DMP1: variants seen among roughly 807,000 people sequenced by gnomAD.
The protein encoded by DMP1 is dentin matrix protein 1.
Under a neutral mutation model 14.6 loss-of-function variants are expected in DMP1, and 20 were observed. The ratio of observed to expected loss-of-function variants is 1.37; its 90% CI spans 0.96 to 1.99. DMP1 has a LOEUF of 1.99. Ranked by LOEUF, DMP1 falls within the 30% of genes most tolerant of loss-of-function variation. The pLI is 0.00. For synonymous variants in DMP1, 197 were observed against 215.3 expected, an observed-to-expected ratio of 0.91 and a Z score of 0.75; for missense variants, 567 against 620.5, an observed-to-expected ratio of 0.91 and a Z score of 0.92.
chr4:87,661,043 GTGTT>G (rs142178567), intron 5 of DMP1, among the ~76,000 whole-genome samples: 26,352 of 151,706 alleles, frequency 0.17, 2,660 homozygotes, highest in Middle Eastern at 0.29. Context: ...TTTTGTGTGT[GTGTT>G]TGTTTGTTTG....
Position 87,659,467 on chromosome 4 carries a change from T to C in DMP1, c.172T>C (p.Ser58Pro). 1 of 1,614,014 alleles carries C rather than the reference T, an allele frequency of 6.2e-7. No homozygotes were observed. Among genetic ancestry groups the C allele is most frequent in the East Asian group, 2.2e-5 (1 of 44,864 alleles). The change falls in exon 5 of 6, where the codon TCA (serine) becomes CCA (proline). Residue 58 changes from serine to proline, a missense_variant. By Grantham distance (74) the Ser-to-Pro change is moderately conservative. Coordinates refer to ENST00000339673, the MANE Select transcript of DMP1 (RefSeq NM_004407.4). Reference protein sequence around the residue: ...SESSEGSKVSSEEQANEDPSD... With the variant: ...SESSEGSKVSPEEQANEDPSD... ...GTCATCAGAAGGCAGTAAAGTTAGCTCAGAGGAACAGGTAATTAAACAGAC... is the reference window on the plus strand; with the variant it reads ...GTCATCAGAAGGCAGTAAAGTTAGCCCAGAGGAACAGGTAATTAAACAGAC...
Position 87,663,276 on chromosome 4 carries a change from C to A in DMP1, c.1498C>A (p.Pro500Thr). 2 of 1,614,178 alleles carry A rather than the reference C, an allele frequency of 1.2e-6. No individual in the cohort carries two copies. Among genetic ancestry groups the A allele is most frequent in the Non-Finnish European group, 8.5e-7 (1 of 1,180,032 alleles). ...KLTVDAYHNKPIGDQDDNDCQ... is the reference protein window; with the variant it reads ...KLTVDAYHNKTIGDQDDNDCQ... ...AACAGTTGATGCCTATCACAACAAA[C>A]CCATTGGGGACCAAGATGACAATGA... Residue 500 changes from proline to threonine, a missense_variant, in exon 6 of 6, where the codon CCC (proline) becomes ACC (threonine). Pro to Thr is a conservative substitution (Grantham distance 38). Transcript: ENST00000339673.
At chr4:87,659,359 T>C (rs758080344) in intron 4 of DMP1, 72 bp from the exon 5 acceptor site, 29 of 1,595,894 alleles carry the variant, frequency 1.8e-5, no homozygotes, top group Non-Finnish European at 2.4e-5. Flanking sequence ...CTGGAAGCAA[T>C]TGATGTGTAT....
In DMP1 at chr4:87,662,417, G is replaced by A. The variant is rs116732769; in HGVS notation, c.639G>A (p.Glu213=). Residue 213 remains glutamate, a synonymous_variant, in exon 6 of 6, where the codon GAG becomes GAA. Coordinates refer to ENST00000339673, the MANE Select transcript of DMP1 (RefSeq NM_004407.4). ...GAGACGGCTCCGAGTTGGACGATGA[G>A]GGAATGCAGAGTGATGACCCAGAGA... ...SHGDGSELDD[E]GMQSDDPESI... is the part of the protein sequence containing the mutation. 3.5e-4 allele frequency: 564 copies of A among 1,614,172 alleles called. 2 individuals carry two copies. The African/African-American group carries it at 6.4e-3, about 18-fold the overall frequency.
intron 1 of DMP1, 66 bp from the exon 2 acceptor site, chr4:87,656,406 T>C: frequency 1.1e-6 from 1 of 899,550 alleles, no homozygotes; most frequent in South Asian, 1.3e-5. Context: ...AGGAAGAAAC[T>C]GTTAAAAAGT....
chr4:87,655,669 T>C (rs1056901637), intron 1 of DMP1, among the ~76,000 whole-genome samples: 8 of 142,114 alleles, frequency 5.6e-5, no homozygotes, highest in Admixed American at 3.4e-4. Flanking sequence ...TAGAAGCCAT[T>C]GTGTGTGTGT....
At chr4:87,661,444 G>C (rs892977939) in intron 5 of DMP1, among the ~76,000 whole-genome samples, 1 of 151,534 alleles carries the variant, frequency 6.6e-6, no homozygotes, top group Non-Finnish European at 1.5e-5. Context: ...GGATGGTCTC[G>C]ATCTCCTGAC....
In DMP1 at chr4:87,650,313, T is replaced by C. The variant is rs1305632262; in HGVS notation, c.-93T>C. 6.6e-6 allele frequency: 1 copy of C among 152,220 alleles called. No homozygotes were observed. The highest frequency in any genetic ancestry group is 1.5e-5 in the Non-Finnish European group (1 of 68,036). 9.4% of individuals were successfully genotyped at this position (152,220 alleles called of 1,614,324 possible). A position where few individuals can be genotyped will look rare whatever the true frequency, so the allele number is the denominator to read the frequency against. The stretch of plus-strand genomic sequence containing the variant: ...AACACAAGAGTGGCTTCATTGGGCA[T>C]AGATTTCCTCTTTGAGAACATCAAC... On this transcript the variant is annotated 5_prime_UTR_variant, in exon 1 of 6. Transcript: ENST00000339673.
At position 87,659,471 on chromosome 4, in the gene DMP1, A is replaced by G; in HGVS notation, c.176A>G (p.Glu59Gly). ...ESSEGSKVSS[E>G]EQANEDPSDS... ...TCAGAAGGCAGTAAAGTTAGCTCAG[A>G]GGAACAGGTAATTAAACAGACCTTT... The change falls in exon 5 of 6, where the codon GAG becomes GGG. Residue 59 changes from glutamate to glycine, a missense_variant. Physicochemically the swap from Glu to Gly is moderately conservative, Grantham distance 98 (BLOSUM62 -2). Transcript: ENST00000339673. The G allele has an allele frequency of 6.2e-7, 1 of 1,614,010 alleles. No homozygotes were observed. The highest frequency in any genetic ancestry group is 8.5e-7 in the Non-Finnish European group (1 of 1,179,884).
At chr4:87,654,871 C>T (rs538033640) in intron 1 of DMP1, among the ~76,000 whole-genome samples, 1 of 152,252 alleles carries the variant, frequency 6.6e-6, no homozygotes, top group South Asian at 2.1e-4. Flanking sequence ...TGTCCTTTGT[C>T]CTGAACTTAT....
rs574215585 is a variant in DMP1, at chr4:87,663,226, A to C, written c.1448A>C (p.Asn483Thr). 6.1e-4 allele frequency: 991 copies of C among 1,614,212 alleles called. 7 individuals are homozygous for C. The South Asian group carries it at 0.01, about 16-fold the overall frequency. Residue 483 changes from asparagine (N) to threonine (T), a missense_variant, in exon 6 of 6, where the codon AAC becomes ACC. Coordinates refer to ENST00000339673, the MANE Select transcript of DMP1 (RefSeq NM_004407.4). ...SSSEEDGQLK[N>T]IEIESRKLTV... ...AGTGAGGAAGATGGCCAGTTGAAAA[A>C]CATTGAGATAGAGAGCCGGAAATTA...
rs765884882 is a variant in DMP1, at chr4:87,662,886, C to T, written c.1108C>T (p.Pro370Ser). ...VSESRGDNPD[P>S]TTSYVEDQED... ...TGAGTCCAGGGGAGATAACCCCGAC[C>T]CCACAACTAGTTATGTAGAAGACCA... Residue 370 changes from proline to serine, a missense_variant, in exon 6 of 6, where the codon CCC becomes TCC. Transcript: ENST00000339673. The T allele has an allele frequency of 1.2e-6, 2 of 1,614,146 alleles. No individual in the cohort carries two copies. The highest frequency in any genetic ancestry group is 1.7e-6 in the Non-Finnish European group (2 of 1,180,030).
rs1471730834 is a variant in DMP1, at chr4:87,662,628, GACA to G, written c.857_859del (p.Asn286del). On this transcript the variant is annotated inframe_deletion, in exon 6 of 6. Transcript: ENST00000339673. Reference sequence around the variant, plus strand: ...GGAAGATGACAGAAGCGAGCTTGATGACAACAACACAATGGAAGAAGTCAAGAG... The same window carrying G: ...GGAAGATGACAGAAGCGAGCTTGATGACAACACAATGGAAGAAGTCAAGAG... 3 of 1,614,130 alleles carry G rather than the reference GACA, an allele frequency of 1.9e-6. No homozygotes were observed. The highest frequency in any genetic ancestry group is 1.7e-5 in the Admixed American group (1 of 60,014).
chr4:87,654,225 T>C (rs567847955), intron 1 of DMP1, among the ~76,000 whole-genome samples: 1 of 152,178 alleles, frequency 6.6e-6, no homozygotes, highest in Non-Finnish European at 1.5e-5. Context: ...CTTAGGGTAA[T>C]ATTTTCAGGT....
chr4:87,657,145 T>C (rs2110012771), intron 3 of DMP1, 66 bp downstream of exon 3: 1 of 935,212 alleles, frequency 1.1e-6, no homozygotes, highest in Non-Finnish European at 1.7e-6. Flanking sequence ...ACCAAATTGA[T>C]TTCATTGCAA....
rs377414504 is a variant in DMP1, at chr4:87,663,312, G to A, written c.1534G>A (p.Gly512Ser). ...GDQDDNDCQDGY is the reference protein window; with the variant it reads ...GDQDDNDCQDSY ...CCAAGATGACAATGACTGCCAAGAC[G>A]GCTATTAGCATCAGCTGTCCTAAGA... The change falls in exon 6 of 6, where the codon GGC becomes AGC. Residue 512 changes from glycine to serine, a missense_variant. Transcript: ENST00000339673. 1.2e-5 allele frequency: 20 copies of A among 1,614,046 alleles called. No homozygotes were observed. Among genetic ancestry groups the A allele is most frequent in the Admixed American group, 1.7e-5 (1 of 60,006 alleles).
At chr4:87,654,034 G>A (rs1021902497) in intron 1 of DMP1, among the ~76,000 whole-genome samples, 3 of 152,160 alleles carry the variant, frequency 2.0e-5, no homozygotes, top group Non-Finnish European at 4.4e-5. Context: ...TATACTAGTA[G>A]ACCAAGTGGG....
At position 87,663,412 on chromosome 4, in the gene DMP1, C is replaced by A; in HGVS notation, c.*92C>A. The stretch of plus-strand genomic sequence containing the variant: ...AACTATAATTTATTGATGTTTTGAT[C>A]AAAAGAATAACCAGATGCCATATTT... On this transcript the variant is annotated 3_prime_UTR_variant, in exon 6 of 6. Transcript: ENST00000339673. 1 of 1,583,758 alleles carries A rather than the reference C, an allele frequency of 6.3e-7. No homozygotes were observed. Among genetic ancestry groups the A allele is most frequent in the Non-Finnish European group, 8.6e-7 (1 of 1,156,580 alleles).
intron 1 of DMP1, among the ~76,000 whole-genome samples, chr4:87,651,336 T>C (rs931303520): frequency 1.3e-5 from 2 of 152,156 alleles, no homozygotes; most frequent in Admixed American, 6.5e-5. Flanking sequence ...TGGGGGCACC[T>C]CAGAGGTATA....
Sources: gnomAD v4.1 joint callset for allele counts (sites outside exome capture counted in the v4.1 genomes callset) on GRCh38, gnomAD v4.1.1 for gene constraint, MANE v1.5 for transcripts, NCBI Gene and HGNC (gene_info 2026-07-23, HGNC 2026-07-21) for gene names.